The following ARID1B variants were observed in gnomAD, a reference collection of about 807,000 sequenced individuals.
ARID1B encodes the protein AT-rich interaction domain 1B.
ARID1B carries 30 observed loss-of-function variants against 212.3 expected under a neutral mutation model. That is an observed-to-expected ratio of 0.14 (90% CI 0.11 to 0.19). The LOEUF (loss-of-function observed/expected upper bound fraction) is 0.19. Among genes scored for constraint, ARID1B ranks in the 10% least tolerant of loss-of-function variants. The pLI, the probability that ARID1B is intolerant of heterozygous loss-of-function variation, is 1.00. For missense variants in ARID1B, 2,891 were observed against 3,204.0 expected (o/e 0.90, Z 2.36); for synonymous variants, 1,402 against 1,301.7 (o/e 1.08, Z -1.66).
intron 4 of ARID1B, among the ~76,000 whole-genome samples, chr6:157,026,721 G>A (rs1012697160): frequency 6.6e-6 from 1 of 152,040 alleles, no homozygotes; most frequent in Non-Finnish European, 1.5e-5. Flanking sequence ...TCACTATTTT[G>A]CCCCAGTTGG....
chr6:156,832,546 G>A (rs1220101124), intron 2 of ARID1B, among the ~76,000 whole-genome samples: 2 of 152,186 alleles, frequency 1.3e-5, no homozygotes, highest in Admixed American at 6.5e-5. Context: ...GTATATTTCT[G>A]CACAGGATTA....
intron 2 of ARID1B, among the ~76,000 whole-genome samples, chr6:156,850,629 T>C (rs186359399): frequency 1.3e-5 from 2 of 152,322 alleles, no homozygotes; most frequent in East Asian, 3.9e-4. Flanking sequence ...ATTTAATGTA[T>C]AGGCAGTTTA....
chr6:157,068,860 A>G (rs1200075478), intron 4 of ARID1B, among the ~76,000 whole-genome samples: 2 of 152,166 alleles, frequency 1.3e-5, no homozygotes, highest in African/African-American at 4.8e-5. Context: ...GCTGCATCCT[A>G]ATGTAGTCTG....
chr6:157,072,853 C>T (rs1784074795), intron 4 of ARID1B, among the ~76,000 whole-genome samples: 1 of 152,122 alleles, frequency 6.6e-6, no homozygotes, highest in South Asian at 2.1e-4. Context: ...ATCACTTGCC[C>T]AATGTCACAC....
chr6:157,149,306 T>C, intron 8 of ARID1B: 1 of 235,208 alleles, frequency 4.3e-6, no homozygotes, highest in Non-Finnish European at 8.5e-6. Flanking sequence ...GAAATACGCT[T>C]AGGAACGATT....
At chr6:157,174,213 C>A in intron 10 of ARID1B, 96 bp downstream of exon 10, 1 of 1,034,398 alleles carries the variant, frequency 9.7e-7, no homozygotes, top group Non-Finnish European at 1.5e-6. Flanking sequence ...ACTTTTTTTT[C>A]ATTTGGTCTC....
chr6:157,073,941 G>A (rs544000623), intron 4 of ARID1B, among the ~76,000 whole-genome samples: 64 of 152,206 alleles, frequency 4.2e-4, no homozygotes, highest in Non-Finnish European at 7.9e-4. Context: ...CAAGTGGAGT[G>A]GAGGCCGGTA....
In ARID1B at chr6:156,912,265, T is replaced by C. The variant is rs1028109323; in HGVS notation, c.2136+10740T>C. On this transcript the variant is annotated intron_variant, in intron 3 of 19. Coordinates refer to ENST00000636930, the MANE Select transcript of ARID1B (RefSeq NM_001374828.1). Reference sequence around the variant, plus strand: ...AGTGAATCAAACCTCTTTTTTTTTTTTTTTTTTGTTTAACTGTTTCTTATG... The same window carrying C: ...AGTGAATCAAACCTCTTTTTTTTTTCTTTTTTTGTTTAACTGTTTCTTATG... 4.0e-4 allele frequency among the ~76,000 whole-genome samples: 61 copies of C among 151,796 alleles called. 1 individual carries two copies. The highest frequency in any genetic ancestry group is 1.3e-3 in the African/African-American group (55 of 41,398).
At chr6:157,028,053 CTGTG>C (rs1353957116) in intron 4 of ARID1B, among the ~76,000 whole-genome samples, 1 of 151,998 alleles carries the variant, frequency 6.6e-6, no homozygotes, top group Non-Finnish European at 1.5e-5. Flanking sequence ...GCTTCATAAA[CTGTG>C]TGTGTATGTG....
rs906818529 is a variant in ARID1B at position 157,206,912 on chromosome 6, G to A, written c.6140G>A (p.Arg2047Lys). Residue 2047 changes from arginine to lysine, a missense_variant, in exon 20 of 20, where the codon AGG (arginine) becomes AAG (lysine). Coordinates refer to ENST00000636930, the MANE Select transcript of ARID1B (RefSeq NM_001374828.1). The surrounding 1 kb of genome is among the most constrained non-coding windows in gnomAD (Gnocchi z 6.8). ...ATCAAGCTGCTGGAGGACGAGCCCA[G>A]GAGCCGAGACGAGACTCCTCTGTGT... The part of the protein sequence containing the change: ...RNIKLLEDEP[R>K]SRDETPLCTI... 6.2e-6 allele frequency: 10 copies of A among 1,614,082 alleles called. No individual in the cohort carries two copies. In the African/African-American group the frequency reaches 1.3e-4, roughly 22 times the overall value.
At chr6:156,836,450 C>T (rs544827372) in intron 2 of ARID1B, among the ~76,000 whole-genome samples, 20 of 152,262 alleles carry the variant, frequency 1.3e-4, no homozygotes, top group Admixed American at 9.8e-4. Context: ...GAATCAGAAA[C>T]TCACCACTGA....
chr6:156,854,415 A>G (rs1421601987), intron 2 of ARID1B, among the ~76,000 whole-genome samples: 1 of 152,238 alleles, frequency 6.6e-6, no homozygotes, highest in African/African-American at 2.4e-5. Flanking sequence ...GAGGCAGTTC[A>G]GGAAGCCCTT....
chr6:156,931,138 C>T (rs956515087), intron 3 of ARID1B, among the ~76,000 whole-genome samples: 1 of 143,038 alleles, frequency 7.0e-6, no homozygotes, highest in Admixed American at 7.1e-5. Context: ...TGCAGGGAGC[C>T]GAGATTGCGC....
intron 4 of ARID1B, among the ~76,000 whole-genome samples, chr6:157,033,918 C>T (rs1781166328): frequency 6.6e-6 from 1 of 152,120 alleles, no homozygotes; most frequent in African/African-American, 2.4e-5. Flanking sequence ...TTCAGGAACC[C>T]TTGAAAAGTT....
chr6:156,913,806 G>A (rs1790114899), intron 3 of ARID1B, among the ~76,000 whole-genome samples: 1 of 130,914 alleles, frequency 7.6e-6, no homozygotes. Flanking sequence ...GTCCATCCCA[G>A]CCCGTGAACC....
intron 16 of ARID1B, among the ~76,000 whole-genome samples, chr6:157,197,344 G>A (rs781612673): frequency 6.6e-6 from 1 of 152,236 alleles, no homozygotes; most frequent in South Asian, 2.1e-4. Context: ...GGACCGGCTG[G>A]GCCAGAGCCG....
chr6:157,178,984 A>G (rs894707006), intron 11 of ARID1B, among the ~76,000 whole-genome samples: 1 of 152,216 alleles, frequency 6.6e-6, no homozygotes, highest in African/African-American at 2.4e-5. Context: ...TTAAATTGAA[A>G]TGATTGCCTT....
chr6:156,844,057 G>C (rs1784074808), intron 2 of ARID1B, among the ~76,000 whole-genome samples: 2 of 152,178 alleles, frequency 1.3e-5, no homozygotes, highest in Non-Finnish European at 2.9e-5. Context: ...CAATTAGATT[G>C]TAAAGGGGTC....
chr6:157,172,673 G>T (rs1791798784), intron 9 of ARID1B: 2 of 152,180 alleles, frequency 1.3e-5, no homozygotes, highest in Non-Finnish European at 2.9e-5. Flanking sequence ...AAGCTTGCCA[G>T]CTAATTCACC....
Sources: gnomAD v4.1 joint callset for allele counts (sites outside exome capture counted in the v4.1 genomes callset) on GRCh38, gnomAD v4.1.1 for gene constraint, Gnocchi (gnomAD v3.1) non-coding constraint, MANE v1.5 for transcripts, NCBI Gene and HGNC (gene_info 2026-07-23, HGNC 2026-07-21) for gene names.